Variants in OTUD4 observed in about 807,000 individuals in gnomAD.
OTUD4 encodes the protein OTU deubiquitinase 4, also known as OTU domain-containing protein 4.
Under a neutral mutation model 130.4 loss-of-function variants are expected in OTUD4, and 24 were observed. The ratio of observed to expected loss-of-function variants is 0.18; its 90% CI spans 0.13 to 0.26. The LOEUF is 0.26. Among genes scored for constraint, OTUD4 ranks in the 10% least tolerant of loss-of-function variants. OTUD4 has a pLI of 1.00. For missense variants in OTUD4, 1,031 were observed against 1,329.4 expected (o/e 0.78, Z 3.49); for synonymous variants, 420 against 472.5 (o/e 0.89, Z 1.44).
chr4:145,148,810 T>C (rs1419933507), intron 13 of OTUD4, among the ~76,000 whole-genome samples: 1 of 152,186 alleles, frequency 6.6e-6, no homozygotes, highest in Non-Finnish European at 1.5e-5. Context: ...TATTTTTAGG[T>C]TTCCAAAGTT....
At chr4:145,179,522 A>C in intron 1 of OTUD4, 1 of 914,364 alleles carries the variant, frequency 1.1e-6, no homozygotes, top group Non-Finnish European at 1.4e-6. Context: ...GGTCCCCAGC[A>C]ATAAATCAAC....
intron 13 of OTUD4, among the ~76,000 whole-genome samples, chr4:145,147,061 A>G (rs1436721591): frequency 6.6e-6 from 1 of 152,248 alleles, no homozygotes; most frequent in East Asian, 1.9e-4. Flanking sequence ...AATAGAGTTT[A>G]GTACCCTATA....
intron 3 of OTUD4, among the ~76,000 whole-genome samples, chr4:145,167,406 A>C (rs1751929631): frequency 1.3e-5 from 2 of 152,222 alleles, no homozygotes; most frequent in Non-Finnish European, 2.9e-5. Context: ...AGATCTCTTA[A>C]AATAAGCCTC....
At chr4:145,146,858 A>C (rs1344724037) in intron 13 of OTUD4, among the ~76,000 whole-genome samples, 1 of 152,204 alleles carries the variant, frequency 6.6e-6, no homozygotes, top group Non-Finnish European at 1.5e-5. Context: ...TTTCTGTTCT[A>C]AGTAAAGGGG....
At position 145,171,676 on chromosome 4, in the gene OTUD4, AT is replaced by A; in HGVS notation, c.287del (p.Asn96IlefsTer6). On this transcript the variant is annotated frameshift_variant, in exon 3 of 21. Transcript: ENST00000447906. LOFTEE classifies it high-confidence loss of function. ...SFEEYLKRLENPQEWVGQVEI... is the reference protein window; with the variant it reads ...SFEEYLKRLEXPQEWVGQVEI... The stretch of plus-strand genomic sequence containing the variant: ...CTAGAAGACTGTGACATACCTGTGG[AT>A]TTTCCAAACGCTTTAAATATTCTTC... 3 of 1,320,466 alleles carry A rather than the reference AT, an allele frequency of 2.3e-6. No homozygotes were observed. The highest frequency in any genetic ancestry group is 3.3e-6 in the Non-Finnish European group (3 of 915,544). 81.8% of individuals were successfully genotyped at this position (1,320,466 alleles called of 1,614,324 possible). A position where few individuals can be genotyped will look rare whatever the true frequency, so the allele number is the denominator to read the frequency against.
chr4:145,152,715 G>GT, intron 10 of OTUD4, 80 bp from the exon 11 acceptor site: 2 of 780,204 alleles, frequency 2.6e-6, no homozygotes, highest in South Asian at 3.4e-5. Flanking sequence ...GTTTTTTGCG[G>GT]TTCTTTTTTT....
intron 2 of OTUD4, among the ~76,000 whole-genome samples, chr4:145,172,941 A>T (rs995449007): frequency 1.1e-4 from 16 of 152,270 alleles, no homozygotes; most frequent in African/African-American, 3.9e-4. Context: ...GAAAGCGTCC[A>T]CCTATGCCAT....
At chr4:145,177,034 G>T (rs1458964772) in intron 1 of OTUD4, among the ~76,000 whole-genome samples, 1 of 152,122 alleles carries the variant, frequency 6.6e-6, no homozygotes, top group Non-Finnish European at 1.5e-5. Flanking sequence ...GACCAAAAAG[G>T]ACTATCTATA....
chr4:145,140,810 A>C (rs1750520382), intron 19 of OTUD4, among the ~76,000 whole-genome samples: 2 of 152,000 alleles, frequency 1.3e-5, no homozygotes, highest in Non-Finnish European at 1.5e-5. Context: ...ATTTATGTAA[A>C]AACACAGAAG....
At chr4:145,143,576 TTA>T in intron 16 of OTUD4, 131 bp from the exon 17 acceptor site, 1 of 613,574 alleles carries the variant, frequency 1.6e-6, no homozygotes, top group Non-Finnish European at 2.9e-6. Context: ...TTTTTTCCAA[TTA>T]TATGTTATTT....
chr4:145,144,599 A>C (rs1389520366), intron 14 of OTUD4, among the ~76,000 whole-genome samples, 165 bp from the exon 15 acceptor site: 1 of 152,172 alleles, frequency 6.6e-6, no homozygotes, highest in Admixed American at 6.5e-5. Flanking sequence ...TCCATAATTA[A>C]TTATACACCC....
At position 145,179,845 on chromosome 4, in the gene OTUD4, C is replaced by T. The variant is rs1328086763; in HGVS notation, c.129G>A (p.Gly43=). 6.6e-7 allele frequency: 1 copy of T among 1,526,082 alleles called. No individual in the cohort carries two copies. The highest frequency in any genetic ancestry group is 8.7e-7 in the Non-Finnish European group (1 of 1,143,368). The allele number at this position is 1,526,082 out of a possible 1,614,324, so 94.5% of individuals were successfully genotyped here. The change falls in exon 1 of 21, where the codon GGG becomes GGA. Residue 43 remains glycine, a synonymous_variant. Transcript: ENST00000447906. ...CCGCCACGGCCCGGAACAGGCACGA[C>T]CCGTCCTTGGCGACCAGTTTCCGAT... ...GLYRKLVAKD[G]SCLFRAVAEQ...
chr4:145,167,625 G>A (rs1178793491), intron 3 of OTUD4, among the ~76,000 whole-genome samples: 1 of 152,202 alleles, frequency 6.6e-6, no homozygotes, highest in Non-Finnish European at 1.5e-5. Flanking sequence ...GGGAGGCCAA[G>A]GAGGGTGGAT....
intron 18 of OTUD4, among the ~76,000 whole-genome samples, chr4:145,141,864 C>T (rs1209022049): frequency 6.6e-6 from 1 of 152,048 alleles, no homozygotes; most frequent in African/African-American, 2.4e-5. Context: ...ACGTGTAGGA[C>T]ATGGGGCTGG....
At chr4:145,161,274 A>T (rs183925336) in intron 6 of OTUD4, among the ~76,000 whole-genome samples, 3 of 152,180 alleles carry the variant, frequency 2.0e-5, no homozygotes, top group African/African-American at 7.2e-5. Flanking sequence ...GAATCACAGG[A>T]AAGACAAGCT....
chr4:145,150,126 T>G (rs1033708237), intron 13 of OTUD4, among the ~76,000 whole-genome samples: 1 of 152,188 alleles, frequency 6.6e-6, no homozygotes, highest in African/African-American at 2.4e-5. Flanking sequence ...CCAATAATTT[T>G]GGGCTGTTTT....
intron 18 of OTUD4, 107 bp from the exon 19 acceptor site, chr4:145,141,746 A>C: frequency 1.0e-6 from 1 of 989,008 alleles, no homozygotes; most frequent in Non-Finnish European, 1.4e-6. Flanking sequence ...AGCCAATCTA[A>C]AGTAGTACCT....
At chr4:145,168,655 C>T (rs897874523) in intron 3 of OTUD4, among the ~76,000 whole-genome samples, 4 of 152,112 alleles carry the variant, frequency 2.6e-5, no homozygotes, top group African/African-American at 9.7e-5. Flanking sequence ...AGTTAAATCA[C>T]AAAGAGTGCT....
intron 17 of OTUD4, 141 bp downstream of exon 17, chr4:145,143,224 A>G (rs1750647833): frequency 3.8e-6 from 2 of 523,904 alleles, no homozygotes; most frequent in East Asian, 3.1e-5. Context: ...TTTAAAAATC[A>G]TAACCACAGC....
Sources: gnomAD v4.1 joint callset for allele counts (sites outside exome capture counted in the v4.1 genomes callset) on GRCh38, gnomAD v4.1.1 for gene constraint, MANE v1.5 for transcripts, NCBI Gene and HGNC (gene_info 2026-07-23, HGNC 2026-07-21) for gene names.